SORCS3: variants seen among roughly 807,000 people sequenced by gnomAD.
SORCS3 encodes sortilin related VPS10 domain containing receptor 3.
In SORCS3, 57 loss-of-function variants were observed where a neutral mutation model predicts 146.3. The ratio of observed to expected loss-of-function variants is 0.39; its 90% confidence interval spans 0.31 to 0.49. The LOEUF (loss-of-function observed/expected upper bound fraction) is 0.49. Among genes scored for constraint, SORCS3 ranks in the 20% least tolerant of loss-of-function variants. SORCS3 has a pLI of 0.92. For missense variants in SORCS3, 1,341 were observed against 1,575.5 expected (o/e 0.85, Z 2.52); for synonymous variants, 653 against 618.5 (o/e 1.06, Z -0.83).
At chr10:104,851,395 T>A (rs2018272574) in intron 2 of SORCS3, among the ~76,000 whole-genome samples, 1 of 152,212 alleles carries the variant, frequency 6.6e-6, no homozygotes, top group Non-Finnish European at 1.5e-5. Context: ...TTTATCACAA[T>A]CTTAAATAAC....
intron 3 of SORCS3, among the ~76,000 whole-genome samples, chr10:104,941,780 G>T (rs1489985151): frequency 1.3e-5 from 2 of 152,126 alleles, no homozygotes; most frequent in African/African-American, 2.4e-5. Context: ...CCAGGAATAA[G>T]CCTCTTTCTC....
intron 20 of SORCS3, among the ~76,000 whole-genome samples, chr10:105,242,007 C>T (rs1589705199): frequency 6.6e-6 from 1 of 151,948 alleles, no homozygotes; most frequent in Admixed American, 6.6e-5. Context: ...TGTAACTTGG[C>T]TTTCAGGCTT....
chr10:105,166,680 T>C (rs1190176112), intron 12 of SORCS3, among the ~76,000 whole-genome samples: 4 of 152,168 alleles, frequency 2.6e-5, no homozygotes, highest in Non-Finnish European at 5.9e-5. Flanking sequence ...CTGGAAGTAC[T>C]GTGTTTCAAT....
At chr10:105,117,323 C>T (rs1236429771) in intron 7 of SORCS3, among the ~76,000 whole-genome samples, 1 of 152,178 alleles carries the variant, frequency 6.6e-6, no homozygotes, top group South Asian at 2.1e-4. Flanking sequence ...TTGGGGGTAA[C>T]TTAATGCAAG....
chr10:105,177,724 C>T (rs2056415763), intron 13 of SORCS3, among the ~76,000 whole-genome samples: 1 of 152,118 alleles, frequency 6.6e-6, no homozygotes, highest in South Asian at 2.1e-4. Flanking sequence ...TCAGAACCTC[C>T]AAGGGCTGAA....
At chr10:104,819,626 A>T (rs550848888) in intron 1 of SORCS3, among the ~76,000 whole-genome samples, 1 of 152,322 alleles carries the variant, frequency 6.6e-6, no homozygotes, top group South Asian at 2.1e-4. Flanking sequence ...GGACCCTTCC[A>T]TGTGCTGGGC....
Position 105,262,325 on chromosome 10 carries a change from A to G in SORCS3, c.3444-6A>G, listed in dbSNP as rs1489622369. ...CTTAACCTGATTTTGCTCCTGTCCCATGTAGGAAAATCCCTTGGATTAACA... is the reference window on the plus strand; with the variant it reads ...CTTAACCTGATTTTGCTCCTGTCCCGTGTAGGAAAATCCCTTGGATTAACA... On this transcript the variant is annotated splice_region_variant and splice_polypyrimidine_tract_variant and intron_variant, in intron 25 of 26. Transcript: ENST00000369701. 1 of 1,611,630 alleles carries G rather than the reference A, an allele frequency of 6.2e-7. No individual in the cohort carries two copies. Among genetic ancestry groups the G allele is most frequent in the South Asian group, 1.1e-5 (1 of 90,898 alleles).
chr10:105,088,157 G>A (rs1037788134), intron 5 of SORCS3, among the ~76,000 whole-genome samples: 7 of 152,330 alleles, frequency 4.6e-5, no homozygotes, highest in African/African-American at 1.7e-4. Flanking sequence ...CCTGCTGGAA[G>A]TCAGGAAGTC....
intron 4 of SORCS3, among the ~76,000 whole-genome samples, chr10:105,011,002 C>T (rs1386835943): frequency 6.6e-6 from 1 of 152,012 alleles, no homozygotes; most frequent in Non-Finnish European, 1.5e-5. Flanking sequence ...GGAGTGATGG[C>T]TGGAGGAAGG....
intron 1 of SORCS3, among the ~76,000 whole-genome samples, chr10:104,735,986 T>C (rs1467414414): frequency 6.6e-6 from 1 of 152,198 alleles, no homozygotes; most frequent in Non-Finnish European, 1.5e-5. Flanking sequence ...TTTCTTTTTC[T>C]TCTTCTTTTT....
At chr10:105,033,037 G>A (rs957947380) in intron 4 of SORCS3, among the ~76,000 whole-genome samples, 5 of 152,142 alleles carry the variant, frequency 3.3e-5, no homozygotes, top group African/African-American at 1.2e-4. Flanking sequence ...ATGGTTGAGG[G>A]AATTGGACTG....
intron 3 of SORCS3, among the ~76,000 whole-genome samples, chr10:104,950,421 G>A (rs868513277): frequency 2.0e-5 from 3 of 152,226 alleles, no homozygotes; most frequent in Middle Eastern, 3.4e-3. Flanking sequence ...GAAAATTGTG[G>A]TTAATAAAAA....
In SORCS3 at chr10:105,078,669, T is replaced by C. The variant is rs116673052; in HGVS notation, c.1029-11106T>C. Among the ~76,000 whole-genome samples the C allele has an allele frequency of 2.4e-3, 367 of 152,328 alleles. 1 individual carries two copies. The highest frequency in any genetic ancestry group is 8.2e-3 in the African/African-American group (341 of 41,580). ...ATTTTGAGCACTATCATACTAAGTG[T>C]TACATACTGCAAAGTGTTAACATGT... is the stretch of plus-strand genomic sequence containing the variant. On this transcript the variant is annotated intron_variant, in intron 5 of 26. Transcript: ENST00000369701.
intron 19 of SORCS3, among the ~76,000 whole-genome samples, chr10:105,220,726 G>A (rs897793095): frequency 1.2e-4 from 18 of 152,106 alleles, no homozygotes; most frequent in East Asian, 5.8e-4. Context: ...CAGGAGCCCC[G>A]CCCCACAGCC....
At chr10:104,786,775 G>A (rs1208878022) in intron 1 of SORCS3, among the ~76,000 whole-genome samples, 1 of 152,126 alleles carries the variant, frequency 6.6e-6, no homozygotes, top group Non-Finnish European at 1.5e-5. Context: ...TGGAATTGAA[G>A]AATTGTGCAG....
chr10:104,786,016 C>T (rs918100555), intron 1 of SORCS3, among the ~76,000 whole-genome samples: 1 of 152,140 alleles, frequency 6.6e-6, no homozygotes, highest in African/African-American at 2.4e-5. Flanking sequence ...TGAATCTATA[C>T]TGAATATCAA....
chr10:104,944,906 T>C (rs2019354993), intron 3 of SORCS3, among the ~76,000 whole-genome samples: 1 of 152,164 alleles, frequency 6.6e-6, no homozygotes, highest in Admixed American at 6.5e-5. Context: ...AGAAAGGTCA[T>C]AGCAATAAAA....
chr10:104,980,865 A>C (rs535976860), intron 4 of SORCS3, among the ~76,000 whole-genome samples: 31 of 152,352 alleles, frequency 2.0e-4, no homozygotes, highest in African/African-American at 6.7e-4. Context: ...AATTAAAGAA[A>C]TACCTTGTGG....
intron 5 of SORCS3, among the ~76,000 whole-genome samples, chr10:105,064,506 G>A (rs2055509538): frequency 6.6e-6 from 1 of 152,194 alleles, no homozygotes; most frequent in Non-Finnish European, 1.5e-5. Context: ...GGAAGCTGCT[G>A]GCATGGCTCA....
Sources: gnomAD v4.1 joint callset for allele counts (sites outside exome capture counted in the v4.1 genomes callset) on GRCh38, gnomAD v4.1.1 for gene constraint, MANE v1.5 for transcripts, NCBI Gene and HGNC (gene_info 2026-07-23, HGNC 2026-07-21) for gene names.